FGA: variants seen among roughly 807,000 people sequenced by gnomAD.
The protein encoded by FGA is fibrinogen, A alpha polypeptide.
A neutral mutation model predicts 20.3 loss-of-function variants in FGA; 20 were observed. The ratio of observed to expected loss-of-function variants is 0.99; its 90% confidence interval spans 0.69 to 1.43. FGA has a LOEUF of 1.43. FGA is among the 40% of genes most tolerant of loss of function. FGA has a pLI of 0.00. For missense variants in FGA, 777 were observed against 784.7 expected (o/e 0.99, Z 0.12); for synonymous variants, 306 against 281.6 (o/e 1.09, Z -0.87).
At chr4:154,584,112 C>T (rs1730648309), downstream of FGA, 2 of 1,599,898 alleles carry the variant, frequency 1.3e-6, no homozygotes, top group South Asian at 1.1e-5. Flanking sequence ...CTCCCATTCC[C>T]ACTTCTTCAG....
downstream of FGA, chr4:154,584,899 C>T: frequency 1.6e-6 from 2 of 1,212,908 alleles, no homozygotes; most frequent in Non-Finnish European, 2.4e-6. Flanking sequence ...ATAGGCACGG[C>T]TCAGATTAAA....
chr4:154,586,954 G>C (rs1288728606), intron 4 of FGA, 36 bp from the exon 5 acceptor site: 1 of 1,591,172 alleles, frequency 6.3e-7, no homozygotes, highest in Non-Finnish European at 8.6e-7. Context: ...AGAAAATGTA[G>C]ATACAAATAC....
rs1578798908 is a variant in FGA at position 154,588,899 on chromosome 4, A to G, written c.258T>C (p.Asn86=). The change falls in exon 3 of 5, where the codon AAT becomes AAC. Residue 86 remains asparagine (N), a synonymous_variant. Coordinates refer to ENST00000403106, the MANE Select transcript of FGA (RefSeq NM_021871.4). ...ATTCAAATAGTGAATTTTTGAGCTT[A>G]TTTATTCTGTTTGTAAAATCTTGAT... ...EVNQDFTNRI[N]KLKNSLFEYQ... The G allele has an allele frequency of 2.5e-6, 4 of 1,612,548 alleles. No individual in the cohort carries two copies. The highest frequency in any genetic ancestry group is 3.4e-6 in the Non-Finnish European group (4 of 1,178,768).
chr4:154,584,807 G>A, downstream of FGA: 3 of 1,613,560 alleles, frequency 1.9e-6, no homozygotes, highest in Non-Finnish European at 2.5e-6. Flanking sequence ...GTACCTGAAG[G>A]ATGTGTTTGG....
intron 2 of FGA, among the ~76,000 whole-genome samples, 191 bp from the exon 3 acceptor site, chr4:154,589,167 G>A (rs960559269): frequency 1.3e-5 from 2 of 152,142 alleles, no homozygotes; most frequent in Non-Finnish European, 2.9e-5. Flanking sequence ...CCATAAATTA[G>A]GTGCCAGGAA....
rs772688113 is a variant in FGA, at chr4:154,586,501, G to C, written c.928C>G (p.Pro310Ala). 2 of 1,613,696 alleles carry C rather than the reference G, an allele frequency of 1.2e-6. No homozygotes were observed. The highest frequency in any genetic ancestry group is 2.7e-5 in the African/African-American group (2 of 74,952). Residue 310 changes from proline (P) to alanine (A), a missense_variant, in exon 5 of 5, where the codon CCT (proline) becomes GCT (alanine). Transcript: ENST00000403106. ...GTCCCTCCAGTCCCAGAGCTCCCAG[G>C]GTTTCGGTTTCCAGTACTTCCAGGT... ...SGPGSTGNRN[P>A]GSSGTGGTAT...
rs754490462 is a variant in FGA at position 154,586,803 on chromosome 4, G to A, written c.626C>T (p.Ala209Val). 16 of 1,614,008 alleles carry A rather than the reference G, an allele frequency of 9.9e-6. No homozygotes were observed. Among genetic ancestry groups the A allele is most frequent in the South Asian group, 2.2e-5 (2 of 91,082 alleles). ...ATCTCTAGAGGGAAGTAAGTCTTTG[G>A]CAATGACCTGTTCAAGTTGCTTCTG... ...DQQKQLEQVIAKDLLPSRDRQ... is the reference protein window; with the variant it reads ...DQQKQLEQVIVKDLLPSRDRQ... The change falls in exon 5 of 5, where the codon GCC becomes GTC. Residue 209 changes from alanine (A) to valine (V), a missense_variant. Ala to Val is a moderately conservative substitution (Grantham distance 64). Coordinates refer to ENST00000403106, the MANE Select transcript of FGA (RefSeq NM_021871.4).
rs748106542 is a variant in FGA, at chr4:154,586,915, C to T, written c.514G>A (p.Asp172Asn). 43 of 1,613,260 alleles carry T rather than the reference C, an allele frequency of 2.7e-5. No individual in the cohort carries two copies. The Middle Eastern group carries it at 8.2e-4, about 31-fold the overall frequency. Residue 172 changes from aspartate to asparagine, a missense_variant, in exon 5 of 5, where the codon GAC becomes AAC. Physicochemically the swap from Asp to Asn is conservative, Grantham distance 23 (BLOSUM62 1). Coordinates refer to ENST00000403106, the MANE Select transcript of FGA (RefSeq NM_021871.4). ...CAAGATCGGATCTTAATATCAATGT[C>T]CACCTAGAGAGAGGGGAGAAAAATA... ...QLVDMKRLEV[D>N]IDIKIRSCRG...
downstream of FGA, among the ~76,000 whole-genome samples, chr4:154,585,096 C>T (rs1470104662): frequency 6.6e-6 from 1 of 152,158 alleles, no homozygotes; most frequent in Admixed American, 6.6e-5. Context: ...TAGCAAGTAA[C>T]CAGTACAGGT....
downstream of FGA, chr4:154,584,249 A>G (rs1350807780): frequency 6.2e-7 from 1 of 1,614,052 alleles, no homozygotes; most frequent in Non-Finnish European, 8.5e-7. Flanking sequence ...GGGTCATAGG[A>G]GCCCCCAGGG....
At chr4:154,587,996 C>A (rs888727096) in intron 3 of FGA, among the ~76,000 whole-genome samples, 1 of 152,080 alleles carries the variant, frequency 6.6e-6, no homozygotes, top group Non-Finnish European at 1.5e-5. Flanking sequence ...GAAGAACTTT[C>A]TTTGGAATTT....
chr4:154,586,457 C>T lies in FGA; in HGVS notation c.972G>A (p.Gly324=), dbSNP rs1275378030. 4 of 1,608,812 alleles carry T rather than the reference C, an allele frequency of 2.5e-6. No homozygotes were observed. Among genetic ancestry groups the T allele is most frequent in the Non-Finnish European group, 3.4e-6 (4 of 1,176,794 alleles). ...GTGGTATWKP[G]SSGPGSTGSW... ...TTCCAGTACTTCCAGGTCCAGAGCT[C>T]CCAGGTTTCCAGGTTGCAGTCCCTC... is the stretch of plus-strand genomic sequence containing the variant. Residue 324 remains glycine (G), a synonymous_variant, in exon 5 of 5, where the codon GGG becomes GGA. Coordinates refer to ENST00000403106, the MANE Select transcript of FGA (RefSeq NM_021871.4).
downstream of FGA, chr4:154,583,320 G>A (rs563420204): frequency 5.3e-5 from 8 of 152,084 alleles, no homozygotes; most frequent in South Asian, 1.5e-3. Flanking sequence ...TCGAACTAAC[G>A]ACTTACATTT....
intron 1 of FGA, 146 bp from the exon 2 acceptor site, chr4:154,589,708 A>G: frequency 3.4e-6 from 3 of 873,296 alleles, no homozygotes; most frequent in Non-Finnish European, 3.7e-6. Context: ...GGCAAGCTTC[A>G]GGTTTCTTAT....
intron 3 of FGA, 63 bp from the exon 4 acceptor site, chr4:154,587,720 A>C: frequency 8.1e-7 from 1 of 1,230,154 alleles, no homozygotes; most frequent in Non-Finnish European, 1.2e-6. Context: ...TTGCCAGCAA[A>C]AAAGAAAGGA....
chr4:154,585,150 A>G, downstream of FGA: 2 of 934,088 alleles, frequency 2.1e-6, no homozygotes, highest in Non-Finnish European at 2.9e-6. Context: ...ATTTAGCCTG[A>G]CCTAAATGTC....
In FGA at chr4:154,587,807, A is replaced by G. The variant is rs1486216322; in HGVS notation, c.365-150T>C. Reference sequence around the variant, plus strand: ...AGAAAGAAAGAAAGAAAGAAAGAGAAAAAAGAAAGAAAGAAACTAGCTTGT... The same window carrying G: ...AGAAAGAAAGAAAGAAAGAAAGAGAGAAAAGAAAGAAAGAAACTAGCTTGT... On this transcript the variant is annotated intron_variant, in intron 3 of 4. Coordinates refer to ENST00000403106, the MANE Select transcript of FGA (RefSeq NM_021871.4). The G allele has an allele frequency of 1.7e-5, 10 of 593,502 alleles. No individual in the cohort carries two copies. In the East Asian group the frequency reaches 1.7e-4, roughly 10 times the overall value. 36.8% of individuals were successfully genotyped at this position (593,502 alleles called of 1,614,324 possible).
In FGA at chr4:154,586,329, C is replaced by T. The variant is rs1254678549; in HGVS notation, c.1100G>A (p.Arg367His). Residue 367 changes from arginine to histidine, a missense_variant, in exon 5 of 5, where the codon CGC (arginine) becomes CAC (histidine). Physicochemically the swap from Arg to His is conservative, Grantham distance 29. Transcript: ENST00000403106. The stretch of plus-strand genomic sequence containing the variant: ...AGAGGTCCAGTGCCCAGCACTTCCG[C>T]GTTCAGAGCTGCCAGGATTCCAGGT... ...TGTWNPGSSE[R>H]GSAGHWTSES... is the part of the protein sequence containing the mutation. 2.5e-6 allele frequency: 4 copies of T among 1,614,074 alleles called. No individual in the cohort carries two copies. Among genetic ancestry groups the T allele is most frequent in the Admixed American group, 1.7e-5 (1 of 59,998 alleles).
chr4:154,589,364 C>T, intron 2 of FGA, 73 bp downstream of exon 2: 2 of 1,582,618 alleles, frequency 1.3e-6, no homozygotes, highest in South Asian at 2.2e-5. Flanking sequence ...TTTCTGGGAC[C>T]AATCAGGTCA....
Sources: gnomAD v4.1 joint callset for allele counts (sites outside exome capture counted in the v4.1 genomes callset) on GRCh38, gnomAD v4.1.1 for gene constraint, MANE v1.5 for transcripts, NCBI Gene and HGNC (gene_info 2026-07-23, HGNC 2026-07-21) for gene names.